Variants in UGT2B17 observed in about 807,000 individuals in gnomAD.
UGT2B17 encodes the protein UDP glucuronosyltransferase family 2 member B17.
Under a neutral mutation model 48.2 loss-of-function variants are expected in UGT2B17, and 21 were observed. That is an observed-to-expected ratio of 0.44 (90% CI 0.31 to 0.63). The LOEUF (loss-of-function observed/expected upper bound fraction) is 0.63, where lower values mean the gene tolerates loss of function less well. Among genes scored for constraint, UGT2B17 ranks in the 20% least tolerant of loss-of-function variants. UGT2B17 has a pLI of 0.08. For missense variants in UGT2B17, 402 were observed against 696.1 expected (o/e 0.58, Z 4.75); for synonymous variants, 146 against 238.4 (o/e 0.61, Z 3.57).
intron 1 of UGT2B17, among the ~76,000 whole-genome samples, chr4:68,575,281 G>C (rs570706877): frequency 8.8e-6 from 1 of 113,272 alleles, no homozygotes; most frequent in Non-Finnish European, 1.8e-5. Context: ...GTGGGGGGAA[G>C]GGGTCTAAAA....
rs1326338689 is a variant in UGT2B17 at position 68,537,923 on chromosome 4, G to T, written c.1314-19C>A. Reference sequence around the variant, plus strand: ...TTTATAGCTGAAGGATAAATATAAAGATATCAACATTAAAAGTAAATTTAT... The same window carrying T: ...TTTATAGCTGAAGGATAAATATAAATATATCAACATTAAAAGTAAATTTAT... On this transcript the variant is annotated intron_variant, in intron 6 of 6. Coordinates refer to ENST00000317746, the MANE Select transcript of UGT2B17 (RefSeq NM_001077.4). 2 of 1,304,052 alleles carry T rather than the reference G, an allele frequency of 1.5e-6. 1 individual carries two copies. Among genetic ancestry groups the T allele is most frequent in the Admixed American group, 4.5e-5 (2 of 43,966 alleles). 80.8% of individuals were successfully genotyped at this position (1,304,052 alleles called of 1,614,324 possible).
intron 6 of UGT2B17, among the ~76,000 whole-genome samples, chr4:68,538,459 T>G (rs1439484602): frequency 1.6e-5 from 2 of 124,968 alleles, no homozygotes; most frequent in Admixed American, 8.3e-5. Flanking sequence ...CATACTCATC[T>G]GGAACTCCTG....
intron 4 of UGT2B17, among the ~76,000 whole-genome samples, chr4:68,558,230 T>C (rs1371889591): frequency 8.0e-6 from 1 of 124,522 alleles, no homozygotes; most frequent in Non-Finnish European, 1.7e-5. Context: ...AAAATAACAG[T>C]ATACCTGTTG....
chr4:68,549,423 T>A lies in UGT2B17; in HGVS notation c.1313+1254A>T, dbSNP rs1249720516. ...CGTATATTTGATAAGGGATAGTATC[T>A]ATAACATATTAATAATTCTTATGAA... On this transcript the variant is annotated intron_variant, in intron 6 of 6. Coordinates refer to ENST00000317746, the MANE Select transcript of UGT2B17 (RefSeq NM_001077.4). 9.7e-5 allele frequency among the ~76,000 whole-genome samples: 12 copies of A among 124,276 alleles called. 2 individuals are homozygous for A. Among genetic ancestry groups the A allele is most frequent in the African/African-American group, 3.3e-4 (12 of 36,586 alleles). 81.5% of individuals were successfully genotyped at this position (124,276 alleles called of 152,430 possible). A position where few individuals can be genotyped will look rare whatever the true frequency, so the allele number is the denominator to read the frequency against.
In UGT2B17 at chr4:68,555,759, A is replaced by C. The variant is rs1193699461; in HGVS notation, c.1006-3848T>G. On this transcript the variant is annotated intron_variant, in intron 4 of 6. Coordinates refer to ENST00000317746, the MANE Select transcript of UGT2B17 (RefSeq NM_001077.4). ...ATATTTCATTGTTTGGGTATTTTTA[A>C]AAAAAAATTTGTAGGAAAACATTCT... 1.6e-5 allele frequency among the ~76,000 whole-genome samples: 2 copies of C among 124,658 alleles called. 1 individual carries two copies. Among genetic ancestry groups the C allele is most frequent in the Non-Finnish European group, 3.4e-5 (2 of 58,900 alleles). The allele number at this position is 124,658 out of a possible 152,430, so 81.8% of individuals were successfully genotyped here. A position where few individuals can be genotyped will look rare whatever the true frequency, so the allele number is the denominator to read the frequency against.
At chr4:68,545,851 A>T (rs1277516534) in intron 6 of UGT2B17, among the ~76,000 whole-genome samples, 2 of 126,020 alleles carry the variant, frequency 1.6e-5, no homozygotes, top group Non-Finnish European at 3.4e-5. Context: ...CTCGACACAC[A>T]CACCCTCCCA....
In UGT2B17 at chr4:68,560,046, A is replaced by T. The variant is rs1224228919; in HGVS notation, c.1005+491T>A. On this transcript the variant is annotated intron_variant, in intron 4 of 6. Transcript: ENST00000317746. ...ACGCTAAATAGACCTATTCCAATGCATGGGAAGTAAAAACAGCCAGATTGC... is the reference window on the plus strand; with the variant it reads ...ACGCTAAATAGACCTATTCCAATGCTTGGGAAGTAAAAACAGCCAGATTGC... Among the ~76,000 whole-genome samples the T allele has an allele frequency of 2.3e-5, 3 of 132,406 alleles. 1 individual carries two copies. Among genetic ancestry groups the T allele is most frequent in the Non-Finnish European group, 4.9e-5 (3 of 61,210 alleles). The allele number at this position is 132,406 out of a possible 152,430, so 86.9% of individuals were successfully genotyped here.
In UGT2B17 at chr4:68,568,232, C is replaced by A. The variant is rs72551387; in HGVS notation, c.253G>T (p.Asp85Tyr). Reference sequence around the variant, plus strand: ...ATTTTCATAAAAAAATCTTCCAAATCATTTTTAGTTAAAGATGTAGGATAA... The same window carrying A: ...ATTTTCATAAAAAAATCTTCCAAATAATTTTTAGTTAAAGATGTAGGATAA... ...EVYPTSLTKN[D>Y]LEDFFMKMFD... Residue 85 changes from aspartate (D) to tyrosine (Y), a missense_variant, in exon 2 of 7, where the codon GAT becomes TAT. Physicochemically the swap from Asp to Tyr is radical, Grantham distance 160 (BLOSUM62 -3). Transcript: ENST00000317746. 10,639 of 1,373,850 alleles carry A rather than the reference C, an allele frequency of 7.7e-3. 2,586 individuals carry two copies. The highest frequency in any genetic ancestry group is 8.7e-3 in the Non-Finnish European group (9,177 of 1,053,084). 85.1% of individuals were successfully genotyped at this position (1,373,850 alleles called of 1,614,324 possible).
rs896475709 is a variant in UGT2B17, at chr4:68,550,839, G to A, written c.1151C>T (p.Ala384Val). The A allele has an allele frequency of 3.1e-5, 43 of 1,377,426 alleles. 9 individuals carry two copies. The Middle Eastern group carries it at 1.2e-3, about 37-fold the overall frequency. The allele number at this position is 1,377,426 out of a possible 1,614,324, so 85.3% of individuals were successfully genotyped here. A position where few individuals can be genotyped will look rare whatever the true frequency, so the allele number is the denominator to read the frequency against. ...CACCATAGGGATCCCATGGTAGATT[G>A]CCTCATAGATGCCATTGGTTCCACC... ...THGGTNGIYE[A>V]IYHGIPMVGI... The change falls in exon 6 of 7, where the codon GCA becomes GTA. Residue 384 changes from alanine (A) to valine (V), a missense_variant. Ala to Val is a moderately conservative substitution (Grantham distance 64). Transcript: ENST00000317746.
rs1730624214 is a variant in UGT2B17 at position 68,539,974 on chromosome 4, C to T, written c.1314-2070G>A. On this transcript the variant is annotated intron_variant, in intron 6 of 6. Transcript: ENST00000317746. ...CTAAGTTTTGTATTACTAGTGGACA[C>T]AGGATTTCACCATGTTGGCCAGGCT... 1.6e-5 allele frequency among the ~76,000 whole-genome samples: 2 copies of T among 121,638 alleles called. 1 individual carries two copies. The highest frequency in any genetic ancestry group is 3.4e-5 in the Non-Finnish European group (2 of 58,194). The allele number at this position is 121,638 out of a possible 152,430, so 79.8% of individuals were successfully genotyped here. A position where few individuals can be genotyped will look rare whatever the true frequency, so the allele number is the denominator to read the frequency against.
At position 68,547,637 on chromosome 4, in the gene UGT2B17, C is replaced by T. The variant is rs1213955881; in HGVS notation, c.1313+3040G>A. Among the ~76,000 whole-genome samples, 2 of 126,086 alleles carry T rather than the reference C, an allele frequency of 1.6e-5. 1 individual carries two copies. Among genetic ancestry groups the T allele is most frequent in the African/African-American group, 5.4e-5 (2 of 36,880 alleles). 82.7% of individuals were successfully genotyped at this position (126,086 alleles called of 152,430 possible). ...GGAAACTACCATCAGATTGAACAGG[C>T]AACCTACAGAATGGGAGAACATTTT... On this transcript the variant is annotated intron_variant, in intron 6 of 6. Transcript: ENST00000317746.
chr4:68,540,199 A>G lies in UGT2B17; in HGVS notation c.1314-2295T>C, dbSNP rs1416418104. ...GCAATATATATACACACACACACATATAACACATAGGTTACATTTAATTGT... is the reference window on the plus strand; with the variant it reads ...GCAATATATATACACACACACACATGTAACACATAGGTTACATTTAATTGT... On this transcript the variant is annotated intron_variant, in intron 6 of 6. Transcript: ENST00000317746. Among the ~76,000 whole-genome samples the G allele has an allele frequency of 5.5e-5, 7 of 127,134 alleles. 2 individuals are homozygous for G. Among genetic ancestry groups the G allele is most frequent in the African/African-American group, 1.3e-4 (5 of 37,256 alleles). 83.4% of individuals were successfully genotyped at this position (127,134 alleles called of 152,430 possible).
At position 68,576,148 on chromosome 4, in the gene UGT2B17, T is replaced by C. The variant is rs1444916801; in HGVS notation, c.-262A>G. ...ACAGGGATGCTCCACAGGGCAGGCT[T>C]AAGCCACCTAAGGGGCTGCCTCAGC... On this transcript the variant is annotated 5_prime_UTR_variant, in exon 1 of 7. Coordinates refer to ENST00000317746, the MANE Select transcript of UGT2B17 (RefSeq NM_001077.4). Among the ~76,000 whole-genome samples the C allele has an allele frequency of 2.5e-4, 31 of 124,986 alleles. 5 individuals are homozygous for C. The highest frequency in any genetic ancestry group is 8.0e-4 in the African/African-American group (29 of 36,340). The allele number at this position is 124,986 out of a possible 152,430, so 82.0% of individuals were successfully genotyped here.
chr4:68,564,621 A>C (rs1410259277), intron 3 of UGT2B17, among the ~76,000 whole-genome samples: 1 of 124,178 alleles, frequency 8.1e-6, no homozygotes, highest in Non-Finnish European at 1.7e-5. Flanking sequence ...TTTTCCTGTA[A>C]ACTAAATTTG....
At chr4:68,561,786 C>CAAAAAAA (rs55755057) in intron 3 of UGT2B17, among the ~76,000 whole-genome samples, 2 of 81,274 alleles carry the variant, frequency 2.5e-5, no homozygotes, top group Non-Finnish European at 5.0e-5. Flanking sequence ...ATTCTCACAC[C>CAAAAAAA]AAAAAAAAAA....
intron 4 of UGT2B17, among the ~76,000 whole-genome samples, chr4:68,552,125 A>T (rs1261716677): frequency 1.6e-5 from 2 of 126,868 alleles, no homozygotes; most frequent in African/African-American, 5.4e-5. Context: ...GTATATAAAA[A>T]AATGACATTT....
intron 1 of UGT2B17, among the ~76,000 whole-genome samples, chr4:68,573,247 G>A (rs1469452601): frequency 7.9e-6 from 1 of 127,318 alleles, no homozygotes; most frequent in South Asian, 3.4e-4. Flanking sequence ...ACAGGCCATT[G>A]GCCTTGGCCA....
chr4:68,551,007 A>G, intron 5 of UGT2B17, 111 bp from the exon 6 acceptor site: 1 of 710,068 alleles, frequency 1.4e-6, no homozygotes, highest in Non-Finnish European at 2.0e-6. Flanking sequence ...GTAACATTAT[A>G]CCCACAAAAC....
At chr4:68,575,554 T>G (rs1271324666) in intron 1 of UGT2B17, among the ~76,000 whole-genome samples, 1 of 125,650 alleles carries the variant, frequency 8.0e-6, no homozygotes, top group African/African-American at 2.7e-5. Flanking sequence ...TGATCTATGT[T>G]TTTTTGAGAC....
Sources: allele counts gnomAD v4.1 joint callset (sites outside exome capture counted in the v4.1 genomes callset), GRCh38; gene constraint gnomAD v4.1.1; transcripts MANE v1.5; gene names NCBI Gene and HGNC (gene_info 2026-07-23, HGNC 2026-07-21).